Variants in KCNA3 observed in about 807,000 individuals in gnomAD.
KCNA3 encodes the protein RP11-284N8.3.
A neutral mutation model predicts 34.3 loss-of-function variants in KCNA3; 18 were observed. That is an observed-to-expected ratio of 0.52 (90% CI 0.36 to 0.78). The LOEUF (loss-of-function observed/expected upper bound fraction) is 0.78, where lower values mean the gene tolerates loss of function less well. Ranked by LOEUF, KCNA3 falls within the 30% of genes least tolerant of loss-of-function variation. The pLI, the probability that KCNA3 is intolerant of heterozygous loss-of-function variation, is 0.00. For synonymous variants in KCNA3, 324 were observed against 351.7 expected, an observed-to-expected ratio of 0.92 and a Z score of 0.88; for missense variants, 587 against 802.5, an observed-to-expected ratio of 0.73 and a Z score of 3.24.
the KCNA3 span, among the ~76,000 whole-genome samples, chr1:110,664,932 G>A: frequency 6.6e-6 from 1 of 152,128 alleles, no homozygotes; most frequent in Non-Finnish European, 1.5e-5. Flanking sequence ...CAGGCAGGGA[G>A]AACAATAAAT....
chr1:110,660,510 A>AAG, the KCNA3 span, among the ~76,000 whole-genome samples: 216 of 150,426 alleles, frequency 1.4e-3, 4 homozygotes, highest in South Asian at 0.031. Context: ...TGGAGAGAAA[A>AAG]AGAGAGAGAG....
chr1:110,659,129 A>C, the KCNA3 span, among the ~76,000 whole-genome samples: 1 of 152,076 alleles, frequency 6.6e-6, no homozygotes, highest in African/African-American at 2.4e-5. Flanking sequence ...AGAACATGGA[A>C]TATAACACGA....
downstream of KCNA3, among the ~76,000 whole-genome samples, chr1:110,668,094 C>T (rs1000324636): frequency 6.6e-5 from 10 of 152,080 alleles, no homozygotes; most frequent in East Asian, 1.9e-4. Context: ...CAAACCCATA[C>T]GGAATAGTAC....
At chr1:110,663,465 C>T in the KCNA3 span, among the ~76,000 whole-genome samples, 1 of 152,054 alleles carries the variant, frequency 6.6e-6, no homozygotes, top group Admixed American at 6.6e-5. Flanking sequence ...TGTGCCACTT[C>T]GATATGCAGA....
chr1:110,666,261 T>A, the KCNA3 span, among the ~76,000 whole-genome samples: 23 of 152,148 alleles, frequency 1.5e-4, no homozygotes, highest in African/African-American at 5.6e-4. Flanking sequence ...TGAACTACTA[T>A]ACTATAATAG....
At chr1:110,662,700 G>C in the KCNA3 span, among the ~76,000 whole-genome samples, 1 of 152,084 alleles carries the variant, frequency 6.6e-6, no homozygotes, top group Non-Finnish European at 1.5e-5. Flanking sequence ...ATTAAAGTCA[G>C]TAATATGTTA....
chr1:110,670,213 T>C (rs796340387), downstream of KCNA3, among the ~76,000 whole-genome samples: 46 of 152,306 alleles, frequency 3.0e-4, no homozygotes, highest in African/African-American at 1.1e-3. Context: ...AGCCATTCAC[T>C]CAACAAATAT....
At chr1:110,661,821 A>G in the KCNA3 span, among the ~76,000 whole-genome samples, 1 of 152,046 alleles carries the variant, frequency 6.6e-6, no homozygotes, top group Non-Finnish European at 1.5e-5. Context: ...AATCATCATA[A>G]TGTCAGCCGG....
In KCNA3 at chr1:110,674,861, C is replaced by T. The variant is rs1053675164; in HGVS notation, c.-52G>A. On this transcript the variant is annotated 5_prime_UTR_variant, in exon 1 of 1. Transcript: ENST00000369769. The surrounding 1 kb of genome is among the most constrained non-coding windows in gnomAD (Gnocchi z 6.4). ...AGGCCAGGTCGCTCCTCCTCGCGCTCCCCGCCCTTTCGCCGCCTCCGCCCC... is the reference window on the plus strand; with the variant it reads ...AGGCCAGGTCGCTCCTCCTCGCGCTTCCCGCCCTTTCGCCGCCTCCGCCCC... 2.3e-6 allele frequency: 3 copies of T among 1,277,170 alleles called. No individual in the cohort carries two copies. The African/African-American group carries it at 4.7e-5, about 20-fold the overall frequency. 79.1% of individuals were successfully genotyped at this position (1,277,170 alleles called of 1,614,324 possible). A position where few individuals can be genotyped will look rare whatever the true frequency, so the allele number is the denominator to read the frequency against.
At chr1:110,654,349 C>T in the KCNA3 span, 2 of 152,150 alleles carry the variant, frequency 1.3e-5, no homozygotes, top group Non-Finnish European at 2.9e-5. Context: ...CCACTAATCA[C>T]AGAATAAATG....
downstream of KCNA3, among the ~76,000 whole-genome samples, chr1:110,670,342 T>C (rs551016421): frequency 3.3e-5 from 5 of 152,304 alleles, no homozygotes; most frequent in Non-Finnish European, 5.9e-5. Flanking sequence ...CTCAAAGTTA[T>C]GAGTCAAAAG....
rs746090912 is a variant in KCNA3 at position 110,673,222 on chromosome 1, T to C, written c.1588A>G (p.Met530Val). 6.2e-7 allele frequency: 1 copy of C among 1,614,124 alleles called. No individual in the cohort carries two copies. The highest frequency in any genetic ancestry group is 1.1e-5 in the South Asian group (1 of 91,066). Residue 530 changes from methionine to valine, a missense_variant, in exon 1 of 1, where the codon ATG becomes GTG. By Grantham distance (21) the Met-to-Val change is conservative. Coordinates refer to ENST00000369769, the MANE Select transcript of KCNA3 (RefSeq NM_002232.5). The surrounding 1 kb of genome is among the most constrained non-coding windows in gnomAD (Gnocchi z 8.8). ...SNSTLSKSEY[M>V]VIEEGGMNHS... Reference sequence around the variant, plus strand: ...TTCATACCCCCCTCTTCGATCACCATATACTCCGACTTACTCAGAGTCGAG... The same window carrying C: ...TTCATACCCCCCTCTTCGATCACCACATACTCCGACTTACTCAGAGTCGAG...
Position 110,674,497 on chromosome 1 carries a change from G to A in KCNA3, c.313C>T (p.Arg105Cys). ...AAGEQDCCGE[R>C]VVINISGLRF... Reference sequence around the variant, plus strand: ...AGCCCGGAGATGTTGATGACCACGCGCTCCCCGCAGCAGTCCTGCTCGCCC... The same window carrying A: ...AGCCCGGAGATGTTGATGACCACGCACTCCCCGCAGCAGTCCTGCTCGCCC... The change falls in exon 1 of 1, where the codon CGC becomes TGC. Residue 105 changes from arginine to cysteine, a missense_variant. Physicochemically the swap from Arg to Cys is radical, Grantham distance 180 (BLOSUM62 -3). Coordinates refer to ENST00000369769, the MANE Select transcript of KCNA3 (RefSeq NM_002232.5). The surrounding 1 kb of genome is among the most constrained non-coding windows in gnomAD (Gnocchi z 6.4). 1.2e-6 allele frequency: 2 copies of A among 1,613,528 alleles called. No individual in the cohort carries two copies. Among genetic ancestry groups the A allele is most frequent in the South Asian group, 2.2e-5 (2 of 91,052 alleles).
chr1:110,664,647 C>T, the KCNA3 span, among the ~76,000 whole-genome samples: 1 of 152,132 alleles, frequency 6.6e-6, no homozygotes, highest in Non-Finnish European at 1.5e-5. Context: ...TATTGGGCAC[C>T]AACTGTATTT....
the KCNA3 span, among the ~76,000 whole-genome samples, chr1:110,664,487 A>G: frequency 6.6e-6 from 1 of 152,190 alleles, no homozygotes; most frequent in Non-Finnish European, 1.5e-5. Flanking sequence ...ATTACAAGGA[A>G]TTTTGTCCTT....
chr1:110,663,809 T>C, the KCNA3 span, among the ~76,000 whole-genome samples: 4 of 152,236 alleles, frequency 2.6e-5, no homozygotes, highest in Admixed American at 6.5e-5. Flanking sequence ...TTGACCGTTT[T>C]ATAAATGTCA....
the KCNA3 span, chr1:110,653,879 T>C: frequency 1.3e-5 from 2 of 152,228 alleles, no homozygotes; most frequent in Admixed American, 6.5e-5. Context: ...GAATGATTAT[T>C]TCATTTCATA....
downstream of KCNA3, among the ~76,000 whole-genome samples, chr1:110,668,066 T>G (rs1235514255): frequency 6.6e-6 from 1 of 152,110 alleles, no homozygotes; most frequent in African/African-American, 2.4e-5. Context: ...ATTTCATTAA[T>G]ATATATAGAA....
chr1:110,674,406 C>A lies in KCNA3; in HGVS notation c.404G>T (p.Arg135Leu), dbSNP rs202066814. ...FPETLLGDPK[R>L]RMRYFDPLRN... ...GAGCGGGTCGAAGTACCTCATGCGC[C>A]GCTTGGGGTCGCCCAGCAGCGTCTC... Residue 135 changes from arginine (R) to leucine (L), a missense_variant, in exon 1 of 1, where the codon CGG becomes CTG. Physicochemically the swap from Arg to Leu is moderately radical, Grantham distance 102 (BLOSUM62 -2). Coordinates refer to ENST00000369769, the MANE Select transcript of KCNA3 (RefSeq NM_002232.5). This position sits in a 1 kb window ranked among gnomAD's most constrained non-coding sequence, Gnocchi z 6.4. The A allele has an allele frequency of 2.9e-4, 465 of 1,613,952 alleles. No individual in the cohort carries two copies. Among genetic ancestry groups the A allele is most frequent in the Non-Finnish European group, 3.5e-4 (415 of 1,179,996 alleles).
Sources: allele counts gnomAD v4.1 joint callset (sites outside exome capture counted in the v4.1 genomes callset), GRCh38; gene constraint gnomAD v4.1.1; non-coding constraint Gnocchi (gnomAD v3.1); transcripts MANE v1.5; gene names NCBI Gene and HGNC (gene_info 2026-07-23, HGNC 2026-07-21).